Variants in PARP16 observed in about 807,000 individuals in gnomAD.
The protein encoded by PARP16 is protein mono-ADP-ribosyltransferase PARP16.
In PARP16, 31 loss-of-function variants were observed where a neutral mutation model predicts 35.0. The observed-to-expected ratio is 0.88, with a 90% confidence interval of 0.66 to 1.19. The LOEUF is 1.19. Among genes scored for constraint, PARP16 ranks in the 50% most tolerant of loss-of-function variants. PARP16 has a pLI of 0.00. For synonymous variants in PARP16, 162 were observed against 169.5 expected (o/e 0.96, Z 0.34); for missense variants, 424 against 411.2 (o/e 1.03, Z -0.27).
rs768835896 is a variant in PARP16, at chr15:65,259,580, G to A, written c.834-38C>T. 7.5e-6 allele frequency: 12 copies of A among 1,601,086 alleles called. No homozygotes were observed. In the East Asian group the frequency reaches 1.8e-4, roughly 24 times the overall value. On this transcript the variant is annotated intron_variant, in intron 5 of 5. Coordinates refer to ENST00000649807, the MANE Select transcript of PARP16 (RefSeq NM_001316943.2). Reference sequence around the variant, plus strand: ...GAAAAAAGAGTGGTGTTGGCAAAAAGAGAAAAACATTTTTTTTAAGTGTGT... The same window carrying A: ...GAAAAAAGAGTGGTGTTGGCAAAAAAAGAAAAACATTTTTTTTAAGTGTGT...
intron 1 of PARP16, among the ~76,000 whole-genome samples, chr15:65,276,967 A>G (rs1217133860): frequency 6.6e-6 from 1 of 150,962 alleles, no homozygotes; most frequent in African/African-American, 2.4e-5. Flanking sequence ...GGGCAACAAG[A>G]GTCAAACTTC....
In PARP16 at chr15:65,259,390, C is replaced by A; in HGVS notation, c.*17G>T. ...AGGCACATAGTTGAGGTAGCCCCCA[C>A]ACCAGGCCCAGAAAGATTATCTTTT... On this transcript the variant is annotated 3_prime_UTR_variant, in exon 6 of 6. Transcript: ENST00000649807. 6.2e-7 allele frequency: 1 copy of A among 1,613,966 alleles called. No homozygotes were observed. The highest frequency in any genetic ancestry group is 8.5e-7 in the Non-Finnish European group (1 of 1,179,862).
intron 2 of PARP16, among the ~76,000 whole-genome samples, chr15:65,250,106 C>CTTTTTTTTTTTTTTTTT (rs1567013240): frequency 9.6e-6 from 1 of 104,198 alleles, no homozygotes. Context: ...CACCTGCTTG[C>CTTTTTTTTTTTTTTTTT]CTTTTTTTTT....
chr15:65,281,455 C>T (rs1194111066), intron 1 of PARP16, among the ~76,000 whole-genome samples: 1 of 152,022 alleles, frequency 6.6e-6, no homozygotes, highest in South Asian at 2.1e-4. Flanking sequence ...TTTGGGAGGC[C>T]GAGGAGGGCG....
rs890213161 is a variant in PARP16, at chr15:65,286,197, C to T, written c.174+56G>A. ...GATGGAACTGCCTCTACCTGTGGTTCCACAGGGCACTTGGTCCAGGACGCA... is the reference window on the plus strand; with the variant it reads ...GATGGAACTGCCTCTACCTGTGGTTTCACAGGGCACTTGGTCCAGGACGCA... On this transcript the variant is annotated intron_variant, in intron 1 of 5. Transcript: ENST00000649807. 2.1e-5 allele frequency: 29 copies of T among 1,396,316 alleles called. No homozygotes were observed. The South Asian group carries it at 4.1e-4, about 20-fold the overall frequency. The allele number at this position is 1,396,316 out of a possible 1,614,324, so 86.5% of individuals were successfully genotyped here.
In PARP16 at chr15:65,267,305, C is replaced by G. The variant is rs185439348; in HGVS notation, c.313-537G>C. 3.5e-3 allele frequency among the ~76,000 whole-genome samples: 526 copies of G among 150,554 alleles called. 4 individuals are homozygous for G. Among genetic ancestry groups the G allele is most frequent in the African/African-American group, 0.012 (486 of 41,122 alleles). On this transcript the variant is annotated intron_variant, in intron 2 of 5. Transcript: ENST00000649807. ...AGTAGGCTGAGAAGCATGAATTGCTCCTTCTAAGTGGAGATCACAGGGCTG... is the reference window on the plus strand; with the variant it reads ...AGTAGGCTGAGAAGCATGAATTGCTGCTTCTAAGTGGAGATCACAGGGCTG...
chr15:65,280,015 T>C (rs1023252351), intron 1 of PARP16, among the ~76,000 whole-genome samples: 2 of 151,988 alleles, frequency 1.3e-5, no homozygotes, highest in African/African-American at 4.8e-5. Flanking sequence ...GTAGACCAGC[T>C]AGGCAACATA....
chr15:65,273,615 A>C (rs1410065382), intron 1 of PARP16, among the ~76,000 whole-genome samples: 1 of 152,164 alleles, frequency 6.6e-6, no homozygotes, highest in East Asian at 1.9e-4. Flanking sequence ...GCAGTGGCTC[A>C]TGCCTGTAAT....
Position 65,259,519 on chromosome 15 carries a change from A to G in PARP16, c.857T>C (p.Phe286Ser). The change falls in exon 6 of 6, where the codon TTT becomes TCT. Residue 286 changes from phenylalanine (F) to serine (S), a missense_variant. Coordinates refer to ENST00000649807, the MANE Select transcript of PARP16 (RefSeq NM_001316943.2). The part of the protein sequence containing the change: ...PKRASSQLSW[F>S]SSHWFTVMIS... ...CATGACGGTAAACCAATGGCTGGAA[A>G]ACCAGGAGAGCTGGCTCGAAGCCCT... The G allele has an allele frequency of 6.2e-7, 1 of 1,614,162 alleles. No homozygotes were observed. Among genetic ancestry groups the G allele is most frequent in the South Asian group, 1.1e-5 (1 of 91,084 alleles).
chr15:65,271,402 T>C (rs2090090512), intron 1 of PARP16, among the ~76,000 whole-genome samples: 3 of 151,900 alleles, frequency 2.0e-5, no homozygotes, highest in Admixed American at 2.0e-4. Flanking sequence ...GCCTCCCGAG[T>C]AGCTGGGACT....
chr15:65,231,787 T>C (rs1216471522), downstream of PARP16, among the ~76,000 whole-genome samples: 3 of 152,148 alleles, frequency 2.0e-5, no homozygotes, highest in South Asian at 4.1e-4. Context: ...TTAATGTTAA[T>C]ACAACATTTG....
Position 65,260,959 on chromosome 15 carries a change from C to T in PARP16, c.759G>A (p.Lys253=). 1 of 1,613,892 alleles carries T rather than the reference C, an allele frequency of 6.2e-7. No individual in the cohort carries two copies. The highest frequency in any genetic ancestry group is 8.5e-7 in the Non-Finnish European group (1 of 1,179,846). The part of the protein sequence containing the change: ...KHSEGGDIPP[K]YFVVTNNQLL... ...GCTGGTTATTGGTGACCACGAAGTACTTGGGAGGGATGTCTCCCCCTTCAC... is the reference window on the plus strand; with the variant it reads ...GCTGGTTATTGGTGACCACGAAGTATTTGGGAGGGATGTCTCCCCCTTCAC... Residue 253 remains lysine, a synonymous_variant, in exon 5 of 6, where the codon AAG becomes AAA. Coordinates refer to ENST00000649807, the MANE Select transcript of PARP16 (RefSeq NM_001316943.2).
At chr15:65,262,399 T>C (rs1446958775) in intron 4 of PARP16, among the ~76,000 whole-genome samples, 1 of 152,192 alleles carries the variant, frequency 6.6e-6, no homozygotes, top group Non-Finnish European at 1.5e-5. Flanking sequence ...CCCAAAGTGC[T>C]GGGATTACAG....
downstream of PARP16, among the ~76,000 whole-genome samples, chr15:65,256,397 C>T (rs193268979): frequency 6.8e-6 from 1 of 146,494 alleles, no homozygotes; most frequent in Admixed American, 7.2e-5. Context: ...TGGCTTTCCT[C>T]TGCCCACGGC....
chr15:65,247,164 A>T (rs140171598), intron 3 of PARP16, among the ~76,000 whole-genome samples: 3,214 of 152,060 alleles, frequency 0.021, 53 homozygotes, highest in Admixed American at 0.037. Flanking sequence ...CTAATTTTTT[A>T]AAAATTTGTT....
downstream of PARP16, among the ~76,000 whole-genome samples, chr15:65,254,911 T>C (rs905043463): frequency 1.3e-5 from 2 of 152,084 alleles, no homozygotes; most frequent in Non-Finnish European, 2.9e-5. Context: ...CTTACTCCCA[T>C]AGAGTAAAAC....
intron 1 of PARP16, among the ~76,000 whole-genome samples, chr15:65,272,692 T>C (rs1432189108): frequency 6.6e-6 from 1 of 152,154 alleles, no homozygotes; most frequent in African/African-American, 2.4e-5. Context: ...AAGAACTGTC[T>C]TGTGTTTTTC....
intron 1 of PARP16, among the ~76,000 whole-genome samples, chr15:65,273,022 G>A (rs1228069603): frequency 2.6e-5 from 4 of 152,066 alleles, no homozygotes; most frequent in Non-Finnish European, 4.4e-5. Context: ...GTTCACACCT[G>A]TAATCCCAGC....
intron 2 of PARP16, among the ~76,000 whole-genome samples, chr15:65,268,362 TG>T (rs1257318407): frequency 6.6e-6 from 1 of 151,804 alleles, no homozygotes; most frequent in Non-Finnish European, 1.5e-5. Context: ...GCCCCAGAAA[TG>T]TAAGTGAGGC....
Sources: allele counts gnomAD v4.1 joint callset (sites outside exome capture counted in the v4.1 genomes callset), GRCh38; gene constraint gnomAD v4.1.1; transcripts MANE v1.5; gene names NCBI Gene and HGNC (gene_info 2026-07-23, HGNC 2026-07-21).